MAML2: variants seen among roughly 807,000 people sequenced by gnomAD.
MAML2 encodes mastermind like transcriptional coactivator 2.
Under a neutral mutation model 96.1 loss-of-function variants are expected in MAML2, and 22 were observed. The observed-to-expected ratio is 0.23, with a 90% confidence interval of 0.16 to 0.33. The LOEUF (loss-of-function observed/expected upper bound fraction) is 0.33, where lower values mean the gene tolerates loss of function less well. MAML2 is among the 10% of genes least tolerant of loss of function. MAML2 has a pLI of 1.00. For synonymous variants in MAML2, 561 were observed against 521.3 expected (o/e 1.08, Z -1.04); for missense variants, 1,367 against 1,392.4 (o/e 0.98, Z 0.29).
intron 2 of MAML2, among the ~76,000 whole-genome samples, chr11:95,994,232 C>A (rs1857957179): frequency 6.6e-6 from 1 of 152,116 alleles, no homozygotes; most frequent in East Asian, 1.9e-4. Flanking sequence ...GTGGGGAGAT[C>A]CTCTTCACTA....
intron 1 of MAML2, among the ~76,000 whole-genome samples, chr11:96,149,289 C>T (rs758674242): frequency 1.2e-4 from 18 of 151,370 alleles, no homozygotes; most frequent in Non-Finnish European, 2.1e-4. Flanking sequence ...TGGTAGCATA[C>T]GCCTGTAATC....
intron 1 of MAML2, among the ~76,000 whole-genome samples, chr11:96,179,461 T>C (rs1861449322): frequency 6.6e-6 from 1 of 152,198 alleles, no homozygotes; most frequent in African/African-American, 2.4e-5. Context: ...AAGATTTCTG[T>C]TTCTTCCCTC....
chr11:96,056,952 A>G (rs556476248), intron 2 of MAML2, among the ~76,000 whole-genome samples: 1 of 152,326 alleles, frequency 6.6e-6, no homozygotes, highest in African/African-American at 2.4e-5. Flanking sequence ...ATGTCCTTGA[A>G]ATGAAATTTG....
At chr11:96,298,199 A>C (rs1233638329) in intron 1 of MAML2, among the ~76,000 whole-genome samples, 1 of 152,236 alleles carries the variant, frequency 6.6e-6, no homozygotes, top group Non-Finnish European at 1.5e-5. Context: ...CTTTGCAGCT[A>C]TCCACGGTAA....
chr11:96,054,798 C>T (rs1262822338), intron 2 of MAML2, among the ~76,000 whole-genome samples: 1 of 151,956 alleles, frequency 6.6e-6, no homozygotes, highest in Non-Finnish European at 1.5e-5. Flanking sequence ...CTTATGATGG[C>T]AAACTAAATA....
chr11:96,123,738 T>C (rs1177510456), intron 1 of MAML2, among the ~76,000 whole-genome samples: 1 of 151,918 alleles, frequency 6.6e-6, no homozygotes, highest in East Asian at 1.9e-4. Flanking sequence ...TGTGCACAGA[T>C]GGGGAAGGGA....
chr11:96,133,891 G>A (rs1860584002), intron 1 of MAML2, among the ~76,000 whole-genome samples: 2 of 152,170 alleles, frequency 1.3e-5, no homozygotes, highest in African/African-American at 2.4e-5. Flanking sequence ...CTACTCAAGA[G>A]GCTGAGGTGG....
At chr11:96,102,136 C>T (rs1800437581) in intron 1 of MAML2, among the ~76,000 whole-genome samples, 1 of 152,076 alleles carries the variant, frequency 6.6e-6, no homozygotes, top group African/African-American at 2.4e-5. Flanking sequence ...ATTAGCCGGG[C>T]GTGGTGGCGG....
At chr11:96,160,937 C>A (rs1021869273) in intron 1 of MAML2, among the ~76,000 whole-genome samples, 1 of 152,184 alleles carries the variant, frequency 6.6e-6, no homozygotes, top group African/African-American at 2.4e-5. Context: ...TGCGAGTGAC[C>A]CTTGTCGAAC....
intron 1 of MAML2, among the ~76,000 whole-genome samples, chr11:96,285,222 G>T (rs966360720): frequency 6.6e-6 from 1 of 152,082 alleles, no homozygotes; most frequent in African/African-American, 2.4e-5. Context: ...GTAAATATTT[G>T]CCTTTGTGCT....
chr11:96,326,453 A>G (rs1393510309), intron 1 of MAML2, among the ~76,000 whole-genome samples: 4 of 151,940 alleles, frequency 2.6e-5, no homozygotes, highest in Admixed American at 6.6e-5. Flanking sequence ...GTCCAATTGC[A>G]TGCCCTTCCT....
chr11:96,164,439 T>C (rs780944660), intron 1 of MAML2, among the ~76,000 whole-genome samples: 1 of 152,204 alleles, frequency 6.6e-6, no homozygotes, highest in Non-Finnish European at 1.5e-5. Flanking sequence ...TATCACACAG[T>C]GTAGTAACAG....
At chr11:96,202,177 C>CAAAAAAAAAAA (rs35124521) in intron 1 of MAML2, among the ~76,000 whole-genome samples, 29 of 75,840 alleles carry the variant, frequency 3.8e-4, no homozygotes, top group African/African-American at 4.8e-4. Context: ...ACTAAAAATA[C>CAAAAAAAAAAA]AAAAAAAAAA....
intron 1 of MAML2, among the ~76,000 whole-genome samples, chr11:96,326,094 G>A (rs79916031): frequency 6.5e-5 from 4 of 61,932 alleles, no homozygotes; most frequent in Admixed American, 5.8e-4. Flanking sequence ...TGTCTACCCC[G>A]CCCCCCCCCC....
At chr11:96,002,369 T>TG (rs1858091522) in intron 2 of MAML2, among the ~76,000 whole-genome samples, 1 of 152,116 alleles carries the variant, frequency 6.6e-6, no homozygotes, top group Non-Finnish European at 1.5e-5. Context: ...AAAACCAAAG[T>TG]GGGGGAGAAA....
intron 1 of MAML2, among the ~76,000 whole-genome samples, chr11:96,154,009 AT>A (rs1296787034): frequency 1.3e-5 from 2 of 152,232 alleles, no homozygotes; most frequent in Non-Finnish European, 2.9e-5. Context: ...AAAGATGGTA[AT>A]ATACTTACAG....
chr11:96,233,486 C>T (rs1411512880), intron 1 of MAML2, among the ~76,000 whole-genome samples: 2 of 151,784 alleles, frequency 1.3e-5, no homozygotes, highest in African/African-American at 2.4e-5. Context: ...TAGCTTACTG[C>T]AGGCTTAACC....
chr11:96,188,515 G>A (rs1861606187), intron 1 of MAML2, among the ~76,000 whole-genome samples: 1 of 152,192 alleles, frequency 6.6e-6, no homozygotes, highest in Non-Finnish European at 1.5e-5. Context: ...CAAGCAAAGA[G>A]AAAGCCTGTA....
At chr11:96,291,716 G>A (rs959562944) in intron 1 of MAML2, among the ~76,000 whole-genome samples, 7 of 152,136 alleles carry the variant, frequency 4.6e-5, no homozygotes, top group African/African-American at 1.2e-4. Flanking sequence ...AAAGGGGCAC[G>A]TGTAAGTATG....
Sources: allele counts gnomAD v4.1 joint callset (sites outside exome capture counted in the v4.1 genomes callset), GRCh38; gene constraint gnomAD v4.1.1; transcripts MANE v1.5; gene names NCBI Gene and HGNC (gene_info 2026-07-23, HGNC 2026-07-21).